ATP2B2: variants seen among roughly 807,000 people sequenced by gnomAD.
The protein encoded by ATP2B2 is ATPase plasma membrane Ca2+ transporting 2, also known as plasma membrane calcium-transporting ATPase 2.
Under a neutral mutation model 120.0 loss-of-function variants are expected in ATP2B2, and 15 were observed. The observed-to-expected ratio is 0.12, with a 90% CI of 0.08 to 0.19. The LOEUF is 0.19. ATP2B2 is among the 10% of genes least tolerant of loss of function. ATP2B2 has a pLI of 1.00. For synonymous variants in ATP2B2, 694 were observed against 700.3 expected (o/e 0.99, Z 0.14); for missense variants, 1,045 against 1,719.8 (o/e 0.61, Z 6.94).
chr3:10,707,216 T>G (rs1208915540), intron 1 of ATP2B2, among the ~76,000 whole-genome samples: 1 of 152,144 alleles, frequency 6.6e-6, no homozygotes, highest in African/African-American at 2.4e-5. Flanking sequence ...GAGGACCCAC[T>G]GAATGTGGGA....
chr3:10,420,525 C>A (rs1019745509), intron 2 of ATP2B2, among the ~76,000 whole-genome samples: 1 of 152,196 alleles, frequency 6.6e-6, no homozygotes, highest in Non-Finnish European at 1.5e-5. Flanking sequence ...CCATGCCTGG[C>A]TAATTTTTGT....
chr3:10,334,337 T>C (rs1243168515), intron 22 of ATP2B2, among the ~76,000 whole-genome samples: 2 of 152,140 alleles, frequency 1.3e-5, no homozygotes, highest in Non-Finnish European at 2.9e-5. Flanking sequence ...CAGAAGTGGA[T>C]TCTTCCCCAT....
At chr3:10,624,466 G>T (rs2069637880) in intron 1 of ATP2B2, among the ~76,000 whole-genome samples, 1 of 152,186 alleles carries the variant, frequency 6.6e-6, no homozygotes, top group Non-Finnish European at 1.5e-5. Context: ...ATACGCTCTT[G>T]AAGGAGGGAT....
chr3:10,383,787 C>T (rs1458512590), intron 8 of ATP2B2, among the ~76,000 whole-genome samples: 1 of 152,182 alleles, frequency 6.6e-6, no homozygotes, highest in African/African-American at 2.4e-5. Context: ...AAGAAATGAA[C>T]GTTTCCTACA....
intron 2 of ATP2B2, among the ~76,000 whole-genome samples, chr3:10,592,745 C>T (rs1240765484): frequency 6.6e-6 from 1 of 152,196 alleles, no homozygotes; most frequent in Admixed American, 6.5e-5. Context: ...TTCCCACTGC[C>T]ACCCTGGAAT....
intron 5 of ATP2B2, among the ~76,000 whole-genome samples, chr3:10,397,530 C>T (rs2062078263): frequency 6.6e-6 from 1 of 152,124 alleles, no homozygotes; most frequent in Admixed American, 6.5e-5. Flanking sequence ...GTGACTGCCA[C>T]AGGGCAGTGG....
intron 2 of ATP2B2, among the ~76,000 whole-genome samples, chr3:10,544,677 C>T (rs1393788390): frequency 6.6e-6 from 1 of 152,168 alleles, no homozygotes; most frequent in Non-Finnish European, 1.5e-5. Flanking sequence ...AAGGGGTGCA[C>T]AGAAGAGGGC....
At chr3:10,485,282 T>C (rs1400193406) in intron 1 of ATP2B2, among the ~76,000 whole-genome samples, 4 of 152,236 alleles carry the variant, frequency 2.6e-5, no homozygotes, top group African/African-American at 4.8e-5. Flanking sequence ...TTATTATCCC[T>C]ATTTTACAGC....
chr3:10,587,009 T>C (rs764858644), intron 2 of ATP2B2, among the ~76,000 whole-genome samples: 2 of 152,118 alleles, frequency 1.3e-5, no homozygotes, highest in African/African-American at 2.4e-5. Context: ...CACCAGATAA[T>C]CTATTGTGTT....
intron 3 of ATP2B2, among the ~76,000 whole-genome samples, chr3:10,527,440 C>T (rs538388082): frequency 1.4e-4 from 21 of 152,312 alleles, no homozygotes; most frequent in Admixed American, 3.3e-4. Context: ...ACAGAGCCCA[C>T]GCTCTTGTAC....
intron 1 of ATP2B2, among the ~76,000 whole-genome samples, chr3:10,457,929 G>C (rs1024350956): frequency 1.3e-5 from 2 of 152,122 alleles, no homozygotes; most frequent in Non-Finnish European, 2.9e-5. Context: ...TCACCCTCAC[G>C]CCTGGCCTGA....
At position 10,371,907 on chromosome 3, in the gene ATP2B2, A is replaced by G; in HGVS notation, c.1561T>C (p.Tyr521His). 3 of 1,614,138 alleles carry G rather than the reference A, an allele frequency of 1.9e-6. No homozygotes were observed. The highest frequency in any genetic ancestry group is 1.7e-5 in the Admixed American group (1 of 60,014). The change falls in exon 12 of 23, where the codon TAT (tyrosine) becomes CAT (histidine). Residue 521 changes from tyrosine (Y) to histidine (H), a missense_variant. Tyr to His is a moderately conservative substitution (Grantham distance 83). Around this residue, in one of 11 missense-constraint regions of ATP2B2, gnomAD observed 343 missense variants for 536.8 expected, o/e 0.64. Transcript: ENST00000360273. ...VVQAYVGDVH[Y>H]KEIPDPSSIN... is the part of the protein sequence containing the mutation. ...GAGCTGGGGTCGGGGATCTCTTTATAGTGGACGTCGCCGACATAGGCCTGT... is the reference window on the plus strand; with the variant it reads ...GAGCTGGGGTCGGGGATCTCTTTATGGTGGACGTCGCCGACATAGGCCTGT...
intron 1 of ATP2B2, among the ~76,000 whole-genome samples, chr3:10,669,825 G>T (rs1433449489): frequency 6.6e-6 from 1 of 152,140 alleles, no homozygotes; most frequent in African/African-American, 2.4e-5. Flanking sequence ...CTGAACACCT[G>T]CATAGCTGCT....
chr3:10,512,441 T>C (rs1391097699), intron 3 of ATP2B2, among the ~76,000 whole-genome samples: 1 of 147,948 alleles, frequency 6.8e-6, no homozygotes, highest in African/African-American at 2.6e-5. Context: ...GCTGAGCATA[T>C]TCCTGGGTGC....
At chr3:10,419,772 C>A (rs2062911066) in intron 2 of ATP2B2, among the ~76,000 whole-genome samples, 1 of 152,212 alleles carries the variant, frequency 6.6e-6, no homozygotes, top group African/African-American at 2.4e-5. Flanking sequence ...CCTCTTGCCA[C>A]AGAGCTCAGC....
chr3:10,615,561 TAAGAAGGTCAGCTGAC>T (rs1295005457), intron 2 of ATP2B2, among the ~76,000 whole-genome samples: 1 of 152,160 alleles, frequency 6.6e-6, no homozygotes, highest in Non-Finnish European at 1.5e-5. Context: ...CACAGTGATC[TAAGAAGGTCAGCTGAC>T]AAGGGACAGA....
chr3:10,568,138 T>TG (rs1404248715), intron 2 of ATP2B2, among the ~76,000 whole-genome samples: 1 of 152,186 alleles, frequency 6.6e-6, no homozygotes, highest in East Asian at 1.9e-4. Context: ...GCTCAGGCTG[T>TG]GCCCCTGACA....
At chr3:10,405,090 A>G (rs1436532034) in intron 3 of ATP2B2, among the ~76,000 whole-genome samples, 3 of 152,236 alleles carry the variant, frequency 2.0e-5, no homozygotes, top group Non-Finnish European at 4.4e-5. Flanking sequence ...TAGGTAAGTG[A>G]CTTGGCCTCT....
intron 2 of ATP2B2, among the ~76,000 whole-genome samples, chr3:10,443,860 A>G (rs1559345198): frequency 6.6e-6 from 1 of 152,204 alleles, no homozygotes; most frequent in Non-Finnish European, 1.5e-5. Flanking sequence ...CAAAAGGCAG[A>G]GAGTGGAAGT....
Sources: gnomAD v4.1 joint callset for allele counts (sites outside exome capture counted in the v4.1 genomes callset) on GRCh38, gnomAD v4.1.1 for gene constraint, gnomAD v4.1.1 regional missense constraint, MANE v1.5 for transcripts, NCBI Gene and HGNC (gene_info 2026-07-23, HGNC 2026-07-21) for gene names.